Variants in GRTP1 observed in about 807,000 individuals in gnomAD.
The protein encoded by GRTP1 is growth hormone regulated TBC protein 1, also known as growth hormone-regulated TBC protein 1.
Under a neutral mutation model 38.1 loss-of-function variants are expected in GRTP1, and 56 were observed. That is an observed-to-expected ratio of 1.47 (90% CI 1.19 to 1.84). The LOEUF (loss-of-function observed/expected upper bound fraction) is 1.84, where lower values mean the gene tolerates loss of function less well. Among genes scored for constraint, GRTP1 ranks in the 40% most tolerant of loss-of-function variants. The pLI, the probability that GRTP1 is intolerant of heterozygous loss-of-function variation, is 0.00. For missense variants in GRTP1, 506 were observed against 453.9 expected, an observed-to-expected ratio of 1.11 and a Z score of -1.04; for synonymous variants, 217 against 189.5, an observed-to-expected ratio of 1.14 and a Z score of -1.19.
intron 5 of GRTP1, among the ~76,000 whole-genome samples, chr13:113,332,824 T>C (rs538264009): frequency 5.3e-5 from 8 of 152,080 alleles, no homozygotes; most frequent in Non-Finnish European, 1.2e-4. Flanking sequence ...CGGCGCCACA[T>C]TCACATCCAC....
chr13:113,352,282 TTATA>T (rs1189112621), intron 3 of GRTP1, among the ~76,000 whole-genome samples: 41 of 41,972 alleles, frequency 9.8e-4, no homozygotes, highest in African/African-American at 3.3e-3. Context: ...TTATATATAT[TTATA>T]TATATTTATA....
chr13:113,325,369 G>A (rs771132205), intron 7 of GRTP1: 12 of 1,426,220 alleles, frequency 8.4e-6, no homozygotes, highest in Admixed American at 2.9e-5. Flanking sequence ...TGGGGAGGCC[G>A]GGCCTCGGGA....
chr13:113,325,064 A>G, intron 7 of GRTP1: 1 of 934,614 alleles, frequency 1.1e-6, no homozygotes, highest in Non-Finnish European at 1.3e-6. Flanking sequence ...TCCTGACCTC[A>G]GGTGATCCAC....
At chr13:113,326,377 T>G (rs1017113150) in intron 5 of GRTP1, among the ~76,000 whole-genome samples, 49 of 2,134 alleles carry the variant, frequency 0.023, 1 homozygote, top group African/African-American at 0.04. Context: ...GGTGGCGCGG[T>G]GGGGGGGGGG....
In GRTP1 at chr13:113,363,821, C is replaced by A. The variant is rs573222494; in HGVS notation, c.122G>T (p.Arg41Leu). The A allele has an allele frequency of 6.2e-7, 1 of 1,611,800 alleles. No homozygotes were observed. Among genetic ancestry groups the A allele is most frequent in the Non-Finnish European group, 8.5e-7 (1 of 1,179,524 alleles). Residue 41 changes from arginine (R) to leucine (L), a missense_variant, in exon 2 of 8, where the codon CGC becomes CTC. Physicochemically the swap from Arg to Leu is moderately radical, Grantham distance 102 (BLOSUM62 -2). Transcript: ENST00000375431. ...FFSSYLVTLT[R>L]RAIKWSRLLQ... ...CAGCCGGGACCATTTGATCGCCCTG[C>A]GGGTGAGCGTGACCAGGTAGCTGGA...
intron 7 of GRTP1, 69 bp from the exon 8 acceptor site, chr13:113,324,646 G>A: frequency 7.3e-7 from 1 of 1,373,468 alleles, no homozygotes; most frequent in East Asian, 2.6e-5. Context: ...TCCCAGACTG[G>A]CAGGCAGGCA....
intron 3 of GRTP1, among the ~76,000 whole-genome samples, chr13:113,352,220 A>C (rs1036306000): frequency 1.0e-4 from 14 of 135,348 alleles, no homozygotes; most frequent in Non-Finnish European, 1.9e-4. Flanking sequence ...ATTTTTATTG[A>C]GTTTTCTATA....
intron 4 of GRTP1, among the ~76,000 whole-genome samples, chr13:113,350,222 G>A (rs1352834686): frequency 6.6e-6 from 1 of 152,088 alleles, no homozygotes; most frequent in Admixed American, 6.5e-5. Context: ...ATTCCGGCCT[G>A]TTCACTCCAC....
In GRTP1 at chr13:113,349,267, C is replaced by T. The variant is rs921131410; in HGVS notation, c.465+1582G>A. The stretch of plus-strand genomic sequence containing the variant: ...GTAGTGGTGCCAACATGGCTCACTG[C>T]AGGCTTGACCTCCCAGACCCAAACG... On this transcript the variant is annotated intron_variant, in intron 4 of 7. Coordinates refer to ENST00000375431, the MANE Select transcript of GRTP1 (RefSeq NM_024719.4). The surrounding 1 kb of genome is among the most constrained non-coding windows in gnomAD (Gnocchi z 5.0). Among the ~76,000 whole-genome samples, 1 of 151,946 alleles carries T rather than the reference C, an allele frequency of 6.6e-6. No homozygotes were observed. Among genetic ancestry groups the T allele is most frequent in the Non-Finnish European group, 1.5e-5 (1 of 67,978 alleles).
chr13:113,363,970 C>A, intron 1 of GRTP1, 50 bp downstream of exon 1: 1 of 1,555,916 alleles, frequency 6.4e-7, no homozygotes, highest in Non-Finnish European at 8.7e-7. Context: ...GGTCGCGGGC[C>A]CGCGCGGGGA....
At chr13:113,341,549 G>A (rs1011611732) in intron 5 of GRTP1, among the ~76,000 whole-genome samples, 1 of 152,106 alleles carries the variant, frequency 6.6e-6, no homozygotes, top group Non-Finnish European at 1.5e-5. Context: ...TTACAGGCGT[G>A]AGCCACCGTG....
intron 2 of GRTP1, among the ~76,000 whole-genome samples, chr13:113,356,712 A>C (rs188986174): frequency 6.6e-6 from 1 of 152,248 alleles, no homozygotes; most frequent in Non-Finnish European, 1.5e-5. Flanking sequence ...ATAAAAACTC[A>C]TAACTTTATA....
chr13:113,325,295 C>G, intron 7 of GRTP1: 25 of 1,326,232 alleles, frequency 1.9e-5, no homozygotes, highest in Non-Finnish European at 2.2e-5. Context: ...CTGTCAGGTA[C>G]AGCTCCCACA....
chr13:113,324,365 TA>T lies in GRTP1; in HGVS notation c.*122del. 2 of 1,322,490 alleles carry T rather than the reference TA, an allele frequency of 1.5e-6. No individual in the cohort carries two copies. Among genetic ancestry groups the T allele is most frequent in the Non-Finnish European group, 2.0e-6 (2 of 1,025,204 alleles). The allele number at this position is 1,322,490 out of a possible 1,614,324, so 81.9% of individuals were successfully genotyped here. On this transcript the variant is annotated 3_prime_UTR_variant, in exon 8 of 8. Transcript: ENST00000375431. Reference sequence around the variant, plus strand: ...ACTGCTCTTTTAAAAAATTCACAACTAAAGTGTAGTGATGTCAAGTATTTAC... The same window carrying T: ...ACTGCTCTTTTAAAAAATTCACAACTAAGTGTAGTGATGTCAAGTATTTAC...
chr13:113,357,441 C>CAGAA (rs1555320156), intron 2 of GRTP1, among the ~76,000 whole-genome samples: 1 of 97,698 alleles, frequency 1.0e-5, no homozygotes, highest in Non-Finnish European at 1.9e-5. Flanking sequence ...GACACTGCCT[C>CAGAA]AAAAAAAAAA....
Position 113,324,593 on chromosome 13 carries a change from T to A in GRTP1, c.922-16A>T. 1 of 1,588,592 alleles carries A rather than the reference T, an allele frequency of 6.3e-7. No homozygotes were observed. The highest frequency in any genetic ancestry group is 8.6e-7 in the Non-Finnish European group (1 of 1,166,708). On this transcript the variant is annotated splice_polypyrimidine_tract_variant and intron_variant, in intron 7 of 7. Coordinates refer to ENST00000375431, the MANE Select transcript of GRTP1 (RefSeq NM_024719.4). The stretch of plus-strand genomic sequence containing the variant: ...AAAATATTTTCTGGAAGGCAAACAG[T>A]TAGTTTAAAAACAAACCCAACAACC...
chr13:113,356,568 G>A (rs1044437804), intron 2 of GRTP1, among the ~76,000 whole-genome samples: 5 of 151,928 alleles, frequency 3.3e-5, no homozygotes, highest in Non-Finnish European at 7.4e-5. Flanking sequence ...GCCTGGCCCT[G>A]CACATATTTG....
At position 113,324,626 on chromosome 13, in the gene GRTP1, A is replaced by G. The variant is rs377448746; in HGVS notation, c.922-49T>C. ...AAAACAAACCCAACAACCCATTTCT[A>G]CGTTAGCTCTCCCAGACTGGCAGGC... is the stretch of plus-strand genomic sequence containing the variant. On this transcript the variant is annotated intron_variant, in intron 7 of 7. Transcript: ENST00000375431. The G allele has an allele frequency of 4.9e-5, 76 of 1,548,874 alleles. 1 individual carries two copies. The East Asian group carries it at 5.8e-4, about 12-fold the overall frequency.
At chr13:113,347,534 G>GAA (rs1439378316) in intron 4 of GRTP1, among the ~76,000 whole-genome samples, 1 of 84,652 alleles carries the variant, frequency 1.2e-5, no homozygotes, top group African/African-American at 4.5e-5. Context: ...CTGTGGCTGA[G>GAA]CGGATCCGGG....
Sources: allele counts gnomAD v4.1 joint callset (sites outside exome capture counted in the v4.1 genomes callset), GRCh38; gene constraint gnomAD v4.1.1; non-coding constraint Gnocchi (gnomAD v3.1); transcripts MANE v1.5; gene names NCBI Gene and HGNC (gene_info 2026-07-23, HGNC 2026-07-21).